Variants in KCND2 observed in about 807,000 individuals in gnomAD.
The protein encoded by KCND2 is potassium voltage-gated channel subfamily D member 2, also known as A-type voltage-gated potassium channel KCND2.
KCND2 carries 16 observed loss-of-function variants against 54.4 expected under a neutral mutation model. That is an observed-to-expected ratio of 0.29 (90% CI 0.20 to 0.45). The LOEUF is 0.45. Ranked by LOEUF, KCND2 falls within the 20% of genes least tolerant of loss-of-function variation. KCND2 has a pLI of 1.00. For synonymous variants in KCND2, 317 were observed against 310.7 expected, an observed-to-expected ratio of 1.02 and a Z score of -0.21; for missense variants, 486 against 824.2, an observed-to-expected ratio of 0.59 and a Z score of 5.02.
In KCND2 at chr7:120,359,196, C is replaced by T. The variant is rs563884631; in HGVS notation, c.1115+83449C>T. On this transcript the variant is annotated intron_variant, in intron 1 of 5. Transcript: ENST00000331113. ...TGTATGAAGCCTACCTTTTAAATGG[C>T]CATTTTTGGAAAGATTTTGTGCTCT... Among the ~76,000 whole-genome samples the T allele has an allele frequency of 9.2e-5, 14 of 152,180 alleles. No individual in the cohort carries two copies. In the East Asian group the frequency reaches 2.7e-3, roughly 29 times the overall value.
rs531531100 is a variant in KCND2 at position 120,538,837 on chromosome 7, A to G, written c.1116-194066A>G. The stretch of plus-strand genomic sequence containing the variant: ...GCTCGGTGAGAAGGGCCCTGTATTC[A>G]CCTCCACTGCTCCCAGGGGCTGTGG... On this transcript the variant is annotated intron_variant, in intron 1 of 5. Coordinates refer to ENST00000331113, the MANE Select transcript of KCND2 (RefSeq NM_012281.3). 3.3e-5 allele frequency among the ~76,000 whole-genome samples: 5 copies of G among 152,042 alleles called. No individual in the cohort carries two copies. In the East Asian group the frequency reaches 9.7e-4, roughly 29 times the overall value.
chr7:120,329,866 C>A (rs571528645), intron 1 of KCND2, among the ~76,000 whole-genome samples: 1 of 152,242 alleles, frequency 6.6e-6, no homozygotes, highest in South Asian at 2.1e-4. Context: ...GTGGAGAATG[C>A]TTGCTGATTG....
intron 1 of KCND2, among the ~76,000 whole-genome samples, chr7:120,344,272 G>C (rs1800280978): frequency 6.6e-6 from 1 of 152,108 alleles, no homozygotes; most frequent in Non-Finnish European, 1.5e-5. Context: ...GGAATAGACT[G>C]TACCGCCTAC....
intron 1 of KCND2, among the ~76,000 whole-genome samples, chr7:120,441,044 A>G (rs1157449587): frequency 6.6e-6 from 1 of 151,984 alleles, no homozygotes; most frequent in African/African-American, 2.4e-5. Flanking sequence ...AACACCTCAC[A>G]TTACCATCAC....
chr7:120,438,132 A>G (rs1467555963), intron 1 of KCND2, among the ~76,000 whole-genome samples: 1 of 152,232 alleles, frequency 6.6e-6, no homozygotes, highest in Non-Finnish European at 1.5e-5. Context: ...CCATATCACA[A>G]CAAAGGTGTT....
chr7:120,301,317 C>T (rs1799583112), intron 1 of KCND2, among the ~76,000 whole-genome samples: 1 of 152,148 alleles, frequency 6.6e-6, no homozygotes, highest in Non-Finnish European at 1.5e-5. Context: ...CAGATATTAG[C>T]ATCTGCTTTT....
intron 1 of KCND2, among the ~76,000 whole-genome samples, chr7:120,334,244 A>G (rs916117447): frequency 6.6e-6 from 1 of 152,144 alleles, no homozygotes; most frequent in African/African-American, 2.4e-5. Context: ...ATCAAATAGA[A>G]GTGTTGAGAT....
At chr7:120,293,171 A>G (rs117675174) in intron 1 of KCND2, among the ~76,000 whole-genome samples, 1,594 of 152,090 alleles carry the variant, frequency 0.01, 13 homozygotes, top group Non-Finnish European at 0.016. Flanking sequence ...ATAAAAATGT[A>G]TTGTTTGTGT....
At chr7:120,370,831 A>G (rs1584750838) in intron 1 of KCND2, among the ~76,000 whole-genome samples, 1 of 152,088 alleles carries the variant, frequency 6.6e-6, no homozygotes, top group East Asian at 1.9e-4. Context: ...AAACAGGGAA[A>G]GGTAACAAAT....
chr7:120,676,848 G>GA (rs1362129684), intron 1 of KCND2, among the ~76,000 whole-genome samples: 2 of 152,038 alleles, frequency 1.3e-5, no homozygotes, highest in Admixed American at 6.5e-5. Flanking sequence ...ATAGGAAAAA[G>GA]AAAAAAGGCA....
intron 1 of KCND2, among the ~76,000 whole-genome samples, chr7:120,287,767 C>A (rs2116268975): frequency 6.6e-6 from 1 of 152,160 alleles, no homozygotes; most frequent in Non-Finnish European, 1.5e-5. Context: ...TCACTTGAAC[C>A]TGGGAGGCAG....
chr7:120,348,879 G>A (rs544592457), intron 1 of KCND2, among the ~76,000 whole-genome samples: 1 of 152,052 alleles, frequency 6.6e-6, no homozygotes, highest in East Asian at 1.9e-4. Context: ...TTAGTAGGTA[G>A]GTGTCATGTC....
intron 1 of KCND2, among the ~76,000 whole-genome samples, chr7:120,422,428 T>A (rs1801638871): frequency 6.6e-6 from 1 of 152,206 alleles, no homozygotes; most frequent in Non-Finnish European, 1.5e-5. Flanking sequence ...GCCTGTCATC[T>A]GGGTTTGCGC....
chr7:120,450,965 A>G (rs1311987980), intron 1 of KCND2, among the ~76,000 whole-genome samples: 1 of 152,168 alleles, frequency 6.6e-6, no homozygotes, highest in East Asian at 1.9e-4. Context: ...CTTTGCGCCA[A>G]AAATAAAAAA....
intron 1 of KCND2, among the ~76,000 whole-genome samples, chr7:120,579,019 CTAGA>C (rs907450525): frequency 6.6e-6 from 1 of 151,838 alleles, no homozygotes; most frequent in Non-Finnish European, 1.5e-5. Flanking sequence ...AAATTTTTTC[CTAGA>C]TATTCACTCC....
chr7:120,514,994 ATTC>A (rs1378154384), intron 1 of KCND2, among the ~76,000 whole-genome samples: 8 of 151,972 alleles, frequency 5.3e-5, no homozygotes, highest in African/African-American at 1.9e-4. Context: ...CTTAAAATGC[ATTC>A]TTATTTTGTT....
chr7:120,554,742 G>A (rs1792142719), intron 1 of KCND2, among the ~76,000 whole-genome samples: 1 of 152,134 alleles, frequency 6.6e-6, no homozygotes, highest in South Asian at 2.1e-4. Flanking sequence ...GCCAGGAGAT[G>A]CTGTTGTTAT....
intron 1 of KCND2, among the ~76,000 whole-genome samples, chr7:120,438,849 A>T (rs997799558): frequency 1.3e-5 from 2 of 152,152 alleles, no homozygotes; most frequent in African/African-American, 2.4e-5. Context: ...ATTCGTGTAT[A>T]TAGTTATTTA....
chr7:120,402,606 AT>A (rs1801280175), intron 1 of KCND2, among the ~76,000 whole-genome samples: 1 of 152,140 alleles, frequency 6.6e-6, no homozygotes, highest in African/African-American at 2.4e-5. Context: ...TATTAGTCAC[AT>A]GCTTCTGTAC....
Sources: gnomAD v4.1 joint callset for allele counts (sites outside exome capture counted in the v4.1 genomes callset) on GRCh38, gnomAD v4.1.1 for gene constraint, MANE v1.5 for transcripts, NCBI Gene and HGNC (gene_info 2026-07-23, HGNC 2026-07-21) for gene names.